NCKAP5: variants seen among roughly 807,000 people sequenced by gnomAD.
NCKAP5 encodes the protein NCK associated protein 5.
NCKAP5 carries 92 observed loss-of-function variants against 167.0 expected under a neutral mutation model. The ratio of observed to expected loss-of-function variants is 0.55; its 90% CI spans 0.47 to 0.66. The LOEUF (loss-of-function observed/expected upper bound fraction) is 0.66, where lower values mean the gene tolerates loss of function less well. Among genes scored for constraint, NCKAP5 ranks in the 30% least tolerant of loss-of-function variants. The pLI is 0.00. For synonymous variants in NCKAP5, 891 were observed against 877.4 expected (o/e 1.02, Z -0.27); for missense variants, 2,378 against 2,315.0 (o/e 1.03, Z -0.56).
At chr2:132,997,675 T>C (rs2077644957) in intron 6 of NCKAP5, among the ~76,000 whole-genome samples, 1 of 151,936 alleles carries the variant, frequency 6.6e-6, no homozygotes, top group African/African-American at 2.4e-5. Context: ...AGGAAAATGG[T>C]TTTAAATGAG....
intron 3 of NCKAP5, among the ~76,000 whole-genome samples, chr2:133,417,200 T>C (rs1254412392): frequency 6.6e-5 from 10 of 152,042 alleles, no homozygotes. Context: ...ATTTGACTCA[T>C]TTGGCTATTT....
intron 7 of NCKAP5, among the ~76,000 whole-genome samples, chr2:132,988,848 T>C (rs2077371930): frequency 3.9e-5 from 6 of 152,222 alleles, no homozygotes. Flanking sequence ...TGGCCTACTT[T>C]AGCTATTTAC....
intron 8 of NCKAP5, among the ~76,000 whole-genome samples, chr2:132,920,743 GTGTATATATA>G (rs1558943003): frequency 4.4e-5 from 3 of 68,456 alleles, no homozygotes; most frequent in East Asian, 4.8e-4. Flanking sequence ...GTATATATAT[GTGTATATATA>G]TATGTATATA....
chr2:133,586,690 G>T, the NCKAP5 span, among the ~76,000 whole-genome samples: 1 of 151,418 alleles, frequency 6.6e-6, no homozygotes, highest in African/African-American at 2.4e-5. Flanking sequence ...TGGTTGCTAT[G>T]TTGACACAAG....
intron 5 of NCKAP5, among the ~76,000 whole-genome samples, chr2:133,176,054 G>A (rs1036339533): frequency 2.0e-5 from 3 of 152,154 alleles, no homozygotes; most frequent in Admixed American, 1.3e-4. Flanking sequence ...GGGGTAGGAG[G>A]ACTAGTCAGG....
chr2:133,482,161 A>C (rs900352192), intron 3 of NCKAP5, among the ~76,000 whole-genome samples: 6 of 152,006 alleles, frequency 3.9e-5, no homozygotes, highest in Admixed American at 3.9e-4. Context: ...TGATTTTATT[A>C]TTTCTAATGG....
At chr2:133,336,439 G>C (rs1362862229) in intron 3 of NCKAP5, among the ~76,000 whole-genome samples, 1 of 151,954 alleles carries the variant, frequency 6.6e-6, no homozygotes, top group African/African-American at 2.4e-5. Flanking sequence ...TCAGCACAAG[G>C]CTCGAGCTTC....
At chr2:133,219,836 C>A (rs1390525962) in intron 4 of NCKAP5, among the ~76,000 whole-genome samples, 2 of 151,962 alleles carry the variant, frequency 1.3e-5, no homozygotes, top group Non-Finnish European at 2.9e-5. Flanking sequence ...ATAAAATACT[C>A]AGTATTTCTA....
chr2:132,760,021 T>A (rs1015417738), intron 16 of NCKAP5, among the ~76,000 whole-genome samples: 10 of 152,162 alleles, frequency 6.6e-5, no homozygotes, highest in Admixed American at 1.3e-4. Flanking sequence ...CATGCAAATA[T>A]AACTTACCAA....
At chr2:133,473,285 T>C (rs1250446628) in intron 3 of NCKAP5, among the ~76,000 whole-genome samples, 3 of 151,630 alleles carry the variant, frequency 2.0e-5, no homozygotes, top group Non-Finnish European at 4.4e-5. Context: ...TGAGCCGAGA[T>C]CGAGCCACTG....
intron 11 of NCKAP5, among the ~76,000 whole-genome samples, chr2:132,823,474 T>A (rs1174439652): frequency 6.6e-6 from 1 of 152,004 alleles, no homozygotes; most frequent in East Asian, 1.9e-4. Context: ...GAAGGAGAGA[T>A]AAAGTCTTTT....
At chr2:133,343,525 C>G (rs1390548070) in intron 3 of NCKAP5, among the ~76,000 whole-genome samples, 1 of 152,040 alleles carries the variant, frequency 6.6e-6, no homozygotes, top group South Asian at 2.1e-4. Context: ...AAATTCTACT[C>G]TTCAAAAAAT....
chr2:133,606,648 C>A, the NCKAP5 span, among the ~76,000 whole-genome samples: 7 of 149,916 alleles, frequency 4.7e-5, no homozygotes, highest in East Asian at 1.4e-3. Context: ...GCCTACACCT[C>A]CAAAATTTTG....
At chr2:132,690,929 G>A (rs1001834547) in intron 19 of NCKAP5, among the ~76,000 whole-genome samples, 3 of 152,046 alleles carry the variant, frequency 2.0e-5, no homozygotes, top group Admixed American at 1.3e-4. Context: ...AGACTCTAAT[G>A]TCACTCTGCC....
the NCKAP5 span, among the ~76,000 whole-genome samples, chr2:133,612,875 TAAC>T: frequency 5.9e-4 from 90 of 152,312 alleles, no homozygotes; most frequent in Admixed American, 5.5e-3. Flanking sequence ...TTTGCTGAAT[TAAC>T]CAGGAGCTTG....
At chr2:133,069,801 A>C (rs2080325953) in intron 6 of NCKAP5, among the ~76,000 whole-genome samples, 1 of 152,132 alleles carries the variant, frequency 6.6e-6, no homozygotes, top group African/African-American at 2.4e-5. Context: ...AATTTAGAGT[A>C]ATGTGAGGAA....
chr2:133,665,407 T>G, the NCKAP5 span, among the ~76,000 whole-genome samples: 6 of 152,162 alleles, frequency 3.9e-5, no homozygotes, highest in African/African-American at 1.4e-4. Context: ...AAGTGGGAAA[T>G]CCAAGGATAG....
chr2:133,674,278 CGGCT>C, the NCKAP5 span, among the ~76,000 whole-genome samples: 1 of 151,762 alleles, frequency 6.6e-6, no homozygotes, highest in Non-Finnish European at 1.5e-5. Context: ...GCATAGTGTG[CGGCT>C]GGCTGCGGAA....
chr2:133,148,080 A>G lies in NCKAP5; in HGVS notation c.208-17969T>C, dbSNP rs114251081. ...GAAATCTCATTTCCCTAAATTAAAC[A>G]TAATGAAATGTTTTTCAAGATCAAA... On this transcript the variant is annotated intron_variant, in intron 5 of 19. Coordinates refer to ENST00000409261, the MANE Select transcript of NCKAP5 (RefSeq NM_207363.3). 4.6e-3 allele frequency among the ~76,000 whole-genome samples: 703 copies of G among 152,260 alleles called. 1 individual carries two copies. The highest frequency in any genetic ancestry group is 0.016 in the African/African-American group (657 of 41,548).
Sources: allele counts gnomAD v4.1 joint callset (sites outside exome capture counted in the v4.1 genomes callset), GRCh38; gene constraint gnomAD v4.1.1; transcripts MANE v1.5; gene names NCBI Gene and HGNC (gene_info 2026-07-23, HGNC 2026-07-21).